The following TRMT2B variants were observed in gnomAD, a reference collection of about 807,000 sequenced individuals.
TRMT2B encodes tRNA methyltransferase 2B, also known as tRNA (uracil-5-)-methyltransferase homolog B.
A neutral mutation model predicts 39.7 loss-of-function variants in TRMT2B; 34 were observed. The observed-to-expected ratio is 0.86, with a 90% confidence interval of 0.65 to 1.14. The LOEUF is 1.14. Among genes scored for constraint, TRMT2B ranks in the 50% most tolerant of loss-of-function variants. The probability of loss-of-function intolerance (pLI) is 0.00; values close to 1 mark genes in which losing one functional copy is unlikely to be tolerated. For missense variants in TRMT2B, 318 were observed against 377.2 expected (o/e 0.84, Z 1.30); for synonymous variants, 132 against 137.3 (o/e 0.96, Z 0.27).
chrX:101,035,414 G>C (rs1427039126), intron 7 of TRMT2B, among the ~76,000 whole-genome samples, 199 bp downstream of exon 7: 1 of 111,921 alleles, frequency 8.9e-6, no homozygotes, highest in Non-Finnish European at 1.9e-5. Context: ...AATGGACACA[G>C]TTCTCTCTTC....
intron 7 of TRMT2B, among the ~76,000 whole-genome samples, chrX:101,029,036 A>G (rs1474334271): frequency 9.0e-6 from 1 of 111,645 alleles, no homozygotes; most frequent in African/African-American, 3.3e-5. Flanking sequence ...TCTTTATAGC[A>G]ATGTGAGAAC....
At chrX:101,011,466 A>C (rs2086249671) in intron 13 of TRMT2B, among the ~76,000 whole-genome samples, 1 of 112,225 alleles carries the variant, frequency 8.9e-6, no homozygotes, top group Admixed American at 9.5e-5. Flanking sequence ...TTTTAAAATT[A>C]GTTGGGTGTG....
At chrX:100,978,124 T>C in the TRMT2B span, among the ~76,000 whole-genome samples, 1 of 112,562 alleles carries the variant, frequency 8.9e-6, no homozygotes, top group Admixed American at 9.4e-5. Context: ...TGTATGAGGG[T>C]ACCCCTTTCT....
the TRMT2B span, among the ~76,000 whole-genome samples, chrX:100,997,100 C>G: frequency 3.6e-5 from 4 of 110,514 alleles, no homozygotes; most frequent in Admixed American, 9.6e-5. Flanking sequence ...TTGGTACTTA[C>G]AGTCAGTCAA....
At chrX:101,041,674 T>C (rs190066853) in intron 3 of TRMT2B, among the ~76,000 whole-genome samples, 1 of 112,104 alleles carries the variant, frequency 8.9e-6, no homozygotes, top group East Asian at 2.8e-4. Flanking sequence ...GAAAATACAT[T>C]TGTTGCATAA....
chrX:100,977,369 C>CTTTTTTTTTT, the TRMT2B span, among the ~76,000 whole-genome samples: 9 of 56,457 alleles, frequency 1.6e-4, 1 homozygote, highest in African/African-American at 5.7e-4. Flanking sequence ...CTACTCTCTT[C>CTTTTTTTTTT]TTTTTTTTTT....
rs372160576 is a variant in TRMT2B at position 101,021,233 on chromosome X, A to G, written c.934T>C (p.Leu312=). The change falls in exon 10 of 14, where the codon TTG becomes CTG. Residue 312 remains leucine, a synonymous_variant. Transcript: ENST00000372936. ...GCATCTGGAGAGATGCGGATCTTCAAGCTCAGAAGTTCTTCAAAGATGTAG... is the reference window on the plus strand; with the variant it reads ...GCATCTGGAGAGATGCGGATCTTCAGGCTCAGAAGTTCTTCAAAGATGTAG... ...EPYIFEELLS[L]KIRISPDAFF... is the part of the protein sequence containing the mutation. 5.8e-6 allele frequency: 7 copies of G among 1,210,082 alleles called. No individual in the cohort carries two copies. In the African/African-American group the frequency reaches 1.2e-4, roughly 21 times the overall value.
Position 101,019,635 on chromosome X carries a change from CT to C in TRMT2B, c.1169-233del, listed in dbSNP as rs1160894269. Among the ~76,000 whole-genome samples, 80 of 102,883 alleles carry C rather than the reference CT, an allele frequency of 7.8e-4. No homozygotes were observed. The East Asian group carries it at 0.014, about 18-fold the overall frequency. The allele number at this position is 102,883 out of a possible 115,157, so 89.3% of individuals were successfully genotyped here. A position where few individuals can be genotyped will look rare whatever the true frequency, so the allele number is the denominator to read the frequency against. On this transcript the variant is annotated intron_variant, in intron 11 of 13. Coordinates refer to ENST00000372936, the MANE Select transcript of TRMT2B (RefSeq NM_024917.6). Reference sequence around the variant, plus strand: ...CAGCTTGAGCAACTAGTGTTTACACCTTTTTTTTTTTCTTTTGCGACAGAGT... The same window carrying C: ...CAGCTTGAGCAACTAGTGTTTACACCTTTTTTTTTTCTTTTGCGACAGAGT...
intron 13 of TRMT2B, among the ~76,000 whole-genome samples, chrX:101,015,987 T>C (rs1289121276): frequency 9.0e-6 from 1 of 110,968 alleles, no homozygotes; most frequent in East Asian, 2.8e-4. Context: ...GGAGAATTGC[T>C]TGAACCAGGG....
At chrX:100,977,366 CTT>C in the TRMT2B span, among the ~76,000 whole-genome samples, 6 of 78,181 alleles carry the variant, frequency 7.7e-5, no homozygotes, top group South Asian at 1.6e-3. Flanking sequence ...CTTCTACTCT[CTT>C]CTTTTTTTTT....
At chrX:100,988,355 C>A in the TRMT2B span, 2 of 1,207,062 alleles carry the variant, frequency 1.7e-6, no homozygotes, top group South Asian at 1.8e-5. Context: ...AACTTTCCCC[C>A]CCATCATCTT....
the TRMT2B span, among the ~76,000 whole-genome samples, chrX:100,980,554 C>T: frequency 9.0e-6 from 1 of 110,853 alleles, no homozygotes; most frequent in Admixed American, 9.6e-5. Context: ...GAATCAGGGA[C>T]TTCAGGAGTC....
At position 101,051,799 on chromosome X, in the gene TRMT2B, A is replaced by G; in HGVS notation, c.-507+18T>C. On this transcript the variant is annotated intron_variant, in intron 1 of 13. Coordinates refer to ENST00000372936, the MANE Select transcript of TRMT2B (RefSeq NM_024917.6). Reference sequence around the variant, plus strand: ...TCCACCTTACCTTCCTTCGTAACCAATAAATCCTCTTACAAACCTGAGGCG... The same window carrying G: ...TCCACCTTACCTTCCTTCGTAACCAGTAAATCCTCTTACAAACCTGAGGCG... The G allele has an allele frequency of 1.8e-6, 1 of 568,921 alleles. No homozygotes were observed. The highest frequency in any genetic ancestry group is 2.1e-6 in the Non-Finnish European group (1 of 469,519). The allele number at this position is 568,921 out of a possible 1,213,427, so 46.9% of individuals were successfully genotyped here. A position where few individuals can be genotyped will look rare whatever the true frequency, so the allele number is the denominator to read the frequency against.
chrX:101,048,113 T>TACACACACAC (rs56212711), intron 2 of TRMT2B, among the ~76,000 whole-genome samples: 283 of 90,320 alleles, frequency 3.1e-3, no homozygotes, highest in African/African-American at 6.0e-3. Flanking sequence ...TTTATACACA[T>TACACACACAC]ACACACACAC....
chrX:101,035,280 C>A (rs1484061407), intron 7 of TRMT2B, among the ~76,000 whole-genome samples: 3 of 111,802 alleles, frequency 2.7e-5, no homozygotes, highest in Non-Finnish European at 5.6e-5. Context: ...CAATTCTGTT[C>A]TGCTGAAAAC....
At chrX:100,994,648 C>T in the TRMT2B span, among the ~76,000 whole-genome samples, 9 of 111,744 alleles carry the variant, frequency 8.1e-5, no homozygotes, top group South Asian at 3.7e-4. Context: ...ATAGTTAGCA[C>T]GCAGCAAAGG....
At position 101,021,839 on chromosome X, in the gene TRMT2B, C is replaced by T. The variant is rs1046403929; in HGVS notation, c.851+129G>A. 5.8e-6 allele frequency: 3 copies of T among 513,008 alleles called. No homozygotes were observed. In the Admixed American group the frequency reaches 9.1e-5, roughly 16 times the overall value. The allele number at this position is 513,008 out of a possible 1,213,427, so 42.3% of individuals were successfully genotyped here. On this transcript the variant is annotated intron_variant, in intron 9 of 13. Coordinates refer to ENST00000372936, the MANE Select transcript of TRMT2B (RefSeq NM_024917.6). The stretch of plus-strand genomic sequence containing the variant: ...CTACATTCTGGCCTGTGTTCCAAGA[C>T]CCAGCTGGTGTACAAGGACCAGAAC...
At chrX:101,018,072 A>T (rs1478196166) in intron 13 of TRMT2B, among the ~76,000 whole-genome samples, 1 of 111,449 alleles carries the variant, frequency 9.0e-6, no homozygotes, top group Non-Finnish European at 1.9e-5. Flanking sequence ...CTCTATAAAA[A>T]AATCAAAAAA....
At chrX:100,988,851 CATAT>C in the TRMT2B span, among the ~76,000 whole-genome samples, 15,949 of 79,458 alleles carry the variant, frequency 0.2, 1,308 homozygotes, top group Middle Eastern at 0.24. Context: ...TAATATATCT[CATAT>C]ATATATATAT....
Sources: gnomAD v4.1 joint callset for allele counts (sites outside exome capture counted in the v4.1 genomes callset) on GRCh38, gnomAD v4.1.1 for gene constraint, MANE v1.5 for transcripts, NCBI Gene and HGNC (gene_info 2026-07-23, HGNC 2026-07-21) for gene names.